Variants in APMAP observed in about 807,000 individuals in gnomAD.
APMAP encodes the protein adipocyte plasma membrane associated protein, also known as adipocyte plasma membrane-associated protein.
Under a neutral mutation model 43.6 loss-of-function variants are expected in APMAP, and 33 were observed. The observed-to-expected ratio is 0.76, with a 90% CI of 0.57 to 1.01. The LOEUF (loss-of-function observed/expected upper bound fraction) is 1.01. APMAP is among the 50% of genes least tolerant of loss of function. The pLI, the probability that APMAP is intolerant of heterozygous loss-of-function variation, is 0.00. For synonymous variants in APMAP, 224 were observed against 216.7 expected, an observed-to-expected ratio of 1.03 and a Z score of -0.30; for missense variants, 498 against 540.7, an observed-to-expected ratio of 0.92 and a Z score of 0.78.
Position 24,964,625 on chromosome 20 carries a change from C to A in APMAP, c.1042-603G>T, listed in dbSNP as rs746439785. ...GGAGGCAAAAGAGCTTAGACCTGGA[C>A]TCTGTGGTCACACGGGACTGTTGAA... On this transcript the variant is annotated intron_variant, in intron 8 of 8. Coordinates refer to ENST00000217456, the MANE Select transcript of APMAP (RefSeq NM_020531.3). Among the ~76,000 whole-genome samples, 4 of 152,120 alleles carry A rather than the reference C, an allele frequency of 2.6e-5. No individual in the cohort carries two copies. The South Asian group carries it at 8.3e-4, about 32-fold the overall frequency.
chr20:24,964,057 G>C, intron 8 of APMAP, 35 bp from the exon 9 acceptor site: 2 of 1,605,496 alleles, frequency 1.2e-6, no homozygotes, highest in Non-Finnish European at 1.7e-6. Context: ...AAGTTCACCA[G>C]CTGGCCAAGA....
chr20:24,985,826 T>G (rs73114358), intron 1 of APMAP, among the ~76,000 whole-genome samples: 275 of 148,526 alleles, frequency 1.9e-3, no homozygotes, highest in Non-Finnish European at 3.1e-3. Flanking sequence ...GAGGGGAGCA[T>G]AGCAGGAAAA....
chr20:24,976,903 T>C (rs955591691), intron 3 of APMAP, among the ~76,000 whole-genome samples: 3 of 152,230 alleles, frequency 2.0e-5, no homozygotes, highest in South Asian at 2.1e-4. Flanking sequence ...AATAAATGCA[T>C]ACTACTAAGT....
At chr20:24,973,887 G>A in intron 3 of APMAP, 150 bp from the exon 4 acceptor site, 1 of 686,584 alleles carries the variant, frequency 1.5e-6, no homozygotes, top group South Asian at 2.0e-5. Context: ...CAATTTCTGG[G>A]AATATGAAAA....
rs1256269994 is a variant in APMAP, at chr20:24,980,238, CCT to C, written c.213-1358_213-1357del. 5.3e-5 allele frequency among the ~76,000 whole-genome samples: 8 copies of C among 152,330 alleles called. No individual in the cohort carries two copies. The East Asian group carries it at 7.7e-4, about 15-fold the overall frequency. On this transcript the variant is annotated intron_variant, in intron 2 of 8. Transcript: ENST00000217456. Reference sequence around the variant, plus strand: ...AGAGAGGAATATCTTCCGATTATCCCCTGTCCCCTGCCTCCAGCAAGGCAGAG... The same window carrying C: ...AGAGAGGAATATCTTCCGATTATCCCGTCCCCTGCCTCCAGCAAGGCAGAG...
intron 8 of APMAP, among the ~76,000 whole-genome samples, chr20:24,965,038 C>A (rs1169816544): frequency 6.6e-6 from 1 of 152,210 alleles, no homozygotes; most frequent in African/African-American, 2.4e-5. Flanking sequence ...CTCACTATTA[C>A]AACTAGTCAC....
At chr20:24,967,839 TG>T (rs1157002357) in intron 8 of APMAP, among the ~76,000 whole-genome samples, 1 of 152,196 alleles carries the variant, frequency 6.6e-6, no homozygotes, top group African/African-American at 2.4e-5. Context: ...ATGCTGTCTC[TG>T]GAGCCAATAA....
At chr20:24,980,070 T>C (rs1445985023) in intron 2 of APMAP, among the ~76,000 whole-genome samples, 1 of 152,248 alleles carries the variant, frequency 6.6e-6, no homozygotes, top group Non-Finnish European at 1.5e-5. Context: ...GTTATGTTTA[T>C]GGTCTGTTTG....
At chr20:24,984,185 A>T (rs1323883626) in intron 1 of APMAP, among the ~76,000 whole-genome samples, 166 bp from the exon 2 acceptor site, 1 of 152,020 alleles carries the variant, frequency 6.6e-6, no homozygotes, top group African/African-American at 2.4e-5. Context: ...ATTTGCTAGG[A>T]TTGGCAAACA....
At chr20:24,969,725 G>A in intron 6 of APMAP, 65 bp from the exon 7 acceptor site, 1 of 1,550,030 alleles carries the variant, frequency 6.5e-7, no homozygotes, top group Non-Finnish European at 8.8e-7. Flanking sequence ...GGGCCTTCAG[G>A]GTATGGGCCT....
In APMAP at chr20:24,978,668, T is replaced by C; in HGVS notation, c.328+99A>G. ...CTAAGAAGGATGTGCAGGGCCCCAG[T>C]CCAGGGGCAGCGTGCCACTGCAGCT... On this transcript the variant is annotated intron_variant, in intron 3 of 8. Transcript: ENST00000217456. The C allele has an allele frequency of 3.1e-6, 3 of 957,190 alleles. No homozygotes were observed. The South Asian group carries it at 4.3e-5, about 14-fold the overall frequency. 59.3% of individuals were successfully genotyped at this position (957,190 alleles called of 1,614,324 possible).
At chr20:24,980,939 G>A (rs193120506) in intron 2 of APMAP, among the ~76,000 whole-genome samples, 4 of 152,312 alleles carry the variant, frequency 2.6e-5, no homozygotes, top group East Asian at 1.9e-4. Flanking sequence ...GGGCAGAAAC[G>A]GCCACTCAGC....
chr20:24,971,417 G>T, intron 5 of APMAP, 43 bp downstream of exon 5: 3 of 1,530,950 alleles, frequency 2.0e-6, no homozygotes, highest in African/African-American at 1.4e-5. Flanking sequence ...TTGTTTAAAA[G>T]ATCTAAAATC....
chr20:24,970,921 G>A (rs2122492671), intron 5 of APMAP, among the ~76,000 whole-genome samples: 1 of 152,220 alleles, frequency 6.6e-6, no homozygotes, highest in East Asian at 1.9e-4. Context: ...ATGCCCCCAA[G>A]CAGCTGGGCT....
At chr20:24,969,700 C>A in intron 6 of APMAP, 40 bp from the exon 7 acceptor site, 1 of 1,581,524 alleles carries the variant, frequency 6.3e-7, no homozygotes, top group Non-Finnish European at 8.6e-7. Flanking sequence ...GGGGAGAATC[C>A]CTGGCTCCCA....
rs187744680 is a variant in APMAP at position 24,966,764 on chromosome 20, G to A, written c.1041+2128C>T. Among the ~76,000 whole-genome samples, 449 of 152,274 alleles carry A rather than the reference G, an allele frequency of 2.9e-3. 3 individuals carry two copies. The highest frequency in any genetic ancestry group is 0.01 in the African/African-American group (432 of 41,546). The stretch of plus-strand genomic sequence containing the variant: ...ATCATTTGTTATAAAGGACAACACC[G>A]GGACAACTGGCAAAATCTGAATGGG... On this transcript the variant is annotated intron_variant, in intron 8 of 8. Coordinates refer to ENST00000217456, the MANE Select transcript of APMAP (RefSeq NM_020531.3).
chr20:24,978,738 G>GCCCCCCCC (rs754035209), intron 3 of APMAP, 29 bp downstream of exon 3: 16 of 1,310,752 alleles, frequency 1.2e-5, no homozygotes, highest in Middle Eastern at 2.5e-4. Flanking sequence ...AGCCTGGAAG[G>GCCCCCCCC]CTCCCCCCCC....
intron 1 of APMAP, among the ~76,000 whole-genome samples, chr20:24,987,899 C>T (rs536294756): frequency 1.3e-5 from 2 of 152,292 alleles, no homozygotes; most frequent in South Asian, 4.1e-4. Flanking sequence ...TAAAGTCTTC[C>T]AACACAATAG....
At chr20:24,990,757 AGGAGAAAT>A (rs1958178891) in intron 1 of APMAP, among the ~76,000 whole-genome samples, 1 of 152,238 alleles carries the variant, frequency 6.6e-6, no homozygotes, top group Admixed American at 6.5e-5. Context: ...TGAAAAATAT[AGGAGAAAT>A]GCAGAAGAAA....
Sources: gnomAD v4.1 joint callset for allele counts (sites outside exome capture counted in the v4.1 genomes callset) on GRCh38, gnomAD v4.1.1 for gene constraint, MANE v1.5 for transcripts, NCBI Gene and HGNC (gene_info 2026-07-23, HGNC 2026-07-21) for gene names.